Variants in KTN1 observed in about 807,000 individuals in gnomAD.
The protein encoded by KTN1 is kinectin.
In KTN1, 130 loss-of-function variants were observed where a neutral mutation model predicts 222.5. That is an observed-to-expected ratio of 0.58 (90% CI 0.51 to 0.68). The LOEUF (loss-of-function observed/expected upper bound fraction) is 0.68. Ranked by LOEUF, KTN1 falls within the 30% of genes least tolerant of loss-of-function variation. The pLI is 0.00. For synonymous variants in KTN1, 512 were observed against 496.3 expected, an observed-to-expected ratio of 1.03 and a Z score of -0.42; for missense variants, 1,508 against 1,500.4, an observed-to-expected ratio of 1.01 and a Z score of -0.08.
At chr14:55,653,168 A>G (rs2043119967) in intron 27 of KTN1, 83 bp downstream of exon 27, 4 of 937,102 alleles carry the variant, frequency 4.3e-6, no homozygotes, top group Non-Finnish European at 6.7e-6. Flanking sequence ...AGATGTTAAT[A>G]TGTTCTGAGT....
At chr14:55,648,258 A>G (rs989527651) in intron 20 of KTN1, 143 bp downstream of exon 20, 8 of 432,362 alleles carry the variant, frequency 1.9e-5, no homozygotes, top group African/African-American at 8.5e-5. Flanking sequence ...TGCTTTTTTA[A>G]TTAAAGTTTT....
intron 31 of KTN1, among the ~76,000 whole-genome samples, chr14:55,660,550 A>T (rs1478981111): frequency 6.6e-6 from 1 of 152,068 alleles, no homozygotes; most frequent in East Asian, 1.9e-4. Flanking sequence ...GTGATCTATC[A>T]TTGGGAATAT....
intron 5 of KTN1, among the ~76,000 whole-genome samples, chr14:55,625,109 C>G (rs568834574): frequency 6.6e-6 from 1 of 152,262 alleles, no homozygotes; most frequent in Admixed American, 6.5e-5. Flanking sequence ...TGGAGTCAGA[C>G]TTCCCAAATT....
intron 25 of KTN1, 133 bp downstream of exon 25, chr14:55,652,060 C>T (rs1228835668): frequency 8.4e-6 from 5 of 596,764 alleles, no homozygotes; most frequent in African/African-American, 7.7e-5. Flanking sequence ...TCTCAAAACT[C>T]CTAAGGGCCC....
chr14:55,667,822 T>C (rs1329365710), intron 34 of KTN1: 1 of 152,060 alleles, frequency 6.6e-6, no homozygotes, highest in Non-Finnish European at 1.5e-5. Flanking sequence ...CATGTTCTCC[T>C]TTGTTCAGAG....
intron 26 of KTN1, 26 bp downstream of exon 26, chr14:55,652,966 T>C (rs376416311): frequency 6.3e-7 from 1 of 1,582,422 alleles, no homozygotes; most frequent in East Asian, 2.2e-5. Flanking sequence ...CAATAAAAAA[T>C]AGCCTTTTTA....
intron 5 of KTN1, 22 bp downstream of exon 5, chr14:55,619,334 G>A: frequency 6.2e-7 from 1 of 1,610,794 alleles, no homozygotes; most frequent in Non-Finnish European, 8.5e-7. Context: ...TTTTGATTAT[G>A]GGCATATTCA....
chr14:55,660,389 GTTTTT>G (rs34898734), intron 31 of KTN1, among the ~76,000 whole-genome samples: 1 of 121,752 alleles, frequency 8.2e-6, no homozygotes, highest in Non-Finnish European at 1.7e-5. Context: ...TTCTTAAGGA[GTTTTT>G]TTTTTTTTTT....
intron 5 of KTN1, among the ~76,000 whole-genome samples, chr14:55,621,679 A>G (rs1284205672): frequency 6.6e-6 from 1 of 152,108 alleles, no homozygotes; most frequent in Non-Finnish European, 1.5e-5. Context: ...CTCCCACGGC[A>G]CGTGGGAATT....
At chr14:55,651,160 A>G (rs2042901779) in intron 24 of KTN1, 1 of 393,720 alleles carries the variant, frequency 2.5e-6, no homozygotes, top group African/African-American at 2.1e-5. Context: ...TCATTCAGCA[A>G]TATTTATTGT....
intron 31 of KTN1, among the ~76,000 whole-genome samples, chr14:55,660,023 CTTCT>C (rs2043945448): frequency 6.6e-6 from 1 of 152,066 alleles, no homozygotes; most frequent in Admixed American, 6.6e-5. Flanking sequence ...CTTACTGGGT[CTTCT>C]TTCTTCTAGA....
chr14:55,667,380 G>T (rs182857830), intron 34 of KTN1, 50 bp downstream of exon 34: 1 of 1,078,678 alleles, frequency 9.3e-7, no homozygotes, highest in Admixed American at 2.0e-5. Context: ...TTCAAGAAAG[G>T]TGTGAATAAG....
At chr14:55,646,404 T>C (rs1039402670) in intron 18 of KTN1, among the ~76,000 whole-genome samples, 1 of 149,170 alleles carries the variant, frequency 6.7e-6, no homozygotes, top group African/African-American at 2.5e-5. Context: ...TTTCTTTCTT[T>C]CTTCCTTTTT....
chr14:55,654,101 T>C (rs144465688), intron 28 of KTN1, among the ~76,000 whole-genome samples: 1 of 152,152 alleles, frequency 6.6e-6, no homozygotes, highest in African/African-American at 2.4e-5. Context: ...GCATAAGAGG[T>C]GTCAGTTTCT....
chr14:55,680,264 G>A (rs1188724577), intron 43 of KTN1: 2 of 159,424 alleles, frequency 1.3e-5, no homozygotes, highest in South Asian at 1.8e-4. Flanking sequence ...GTCATGTTAT[G>A]AGCTTTTATT....
chr14:55,671,709 T>C, intron 36 of KTN1, 54 bp downstream of exon 36: 1 of 1,530,658 alleles, frequency 6.5e-7, no homozygotes, highest in Non-Finnish European at 9.0e-7. Context: ...CATTACCTTC[T>C]TCCTTCATGG....
chr14:55,637,179 A>T lies in KTN1; in HGVS notation c.1550-19A>T. 1 of 1,560,230 alleles carries T rather than the reference A, an allele frequency of 6.4e-7. No individual in the cohort carries two copies. Among genetic ancestry groups the T allele is most frequent in the Non-Finnish European group, 8.7e-7 (1 of 1,143,754 alleles). ...AGGCAAAGAAAGAGACCTCTGTAAAATGTAATGTTTTATTACAGATTTACA... is the reference window on the plus strand; with the variant it reads ...AGGCAAAGAAAGAGACCTCTGTAAATTGTAATGTTTTATTACAGATTTACA... On this transcript the variant is annotated intron_variant, in intron 10 of 43. Transcript: ENST00000395314.
intron 7 of KTN1, among the ~76,000 whole-genome samples, chr14:55,632,217 T>A (rs2040610143): frequency 6.6e-6 from 1 of 152,280 alleles, no homozygotes; most frequent in East Asian, 1.9e-4. Flanking sequence ...ATTTGAAAAT[T>A]AGGCAGATAC....
At chr14:55,632,368 A>C (rs2040626185) in intron 7 of KTN1, among the ~76,000 whole-genome samples, 1 of 134,608 alleles carries the variant, frequency 7.4e-6, no homozygotes, top group South Asian at 2.5e-4. Context: ...ATTTCCCTTA[A>C]TAAGCAACAG....
Sources: allele counts gnomAD v4.1 joint callset (sites outside exome capture counted in the v4.1 genomes callset), GRCh38; gene constraint gnomAD v4.1.1; transcripts MANE v1.5; gene names NCBI Gene and HGNC (gene_info 2026-07-23, HGNC 2026-07-21).